ZNF451: variants seen among roughly 807,000 people sequenced by gnomAD.
The protein encoded by ZNF451 is E3 SUMO-protein ligase ZNF451.
A neutral mutation model predicts 107.1 loss-of-function variants in ZNF451; 80 were observed. The observed-to-expected ratio is 0.75, with a 90% CI of 0.62 to 0.90. The LOEUF is 0.90. ZNF451 is among the 40% of genes least tolerant of loss of function. ZNF451 has a pLI of 0.00. For missense variants in ZNF451, 1,107 were observed against 1,236.2 expected, an observed-to-expected ratio of 0.90 and a Z score of 1.57; for synonymous variants, 362 against 406.5, an observed-to-expected ratio of 0.89 and a Z score of 1.32.
intron 14 of ZNF451, among the ~76,000 whole-genome samples, chr6:57,163,520 A>G (rs1379568169): frequency 1.6e-5 from 2 of 121,444 alleles, no homozygotes; most frequent in African/African-American, 6.3e-5. Context: ...GCGCGATCTC[A>G]GCTCACTGCA....
At chr6:57,113,647 A>C (rs952897400) in intron 3 of ZNF451, among the ~76,000 whole-genome samples, 1 of 135,688 alleles carries the variant, frequency 7.4e-6, no homozygotes, top group African/African-American at 2.8e-5. Flanking sequence ...TTTGAGATGG[A>C]GTCTCGCTCT....
chr6:57,103,552 A>G (rs1411154617), intron 3 of ZNF451: 1 of 985,302 alleles, frequency 1.0e-6, no homozygotes, highest in Non-Finnish European at 1.2e-6. Context: ...CCTTAGATCC[A>G]TGTCTTCACA....
intron 3 of ZNF451, chr6:57,102,187 A>G: frequency 7.0e-7 from 1 of 1,428,592 alleles, no homozygotes. Context: ...CAGGTAGGAG[A>G]TCATCTCAAA....
intron 3 of ZNF451, chr6:57,107,027 T>G: frequency 1.0e-6 from 1 of 956,330 alleles, no homozygotes; most frequent in Non-Finnish European, 1.2e-6. Context: ...TTTTACTTCT[T>G]TGTCTTTTCA....
At chr6:57,124,147 T>A (rs1036754770) in intron 3 of ZNF451, among the ~76,000 whole-genome samples, 3 of 152,208 alleles carry the variant, frequency 2.0e-5, no homozygotes, top group African/African-American at 7.2e-5. Flanking sequence ...TTGTAGATGA[T>A]CTTTATAAAG....
intron 14 of ZNF451, among the ~76,000 whole-genome samples, chr6:57,164,408 G>A (rs1763809669): frequency 6.6e-6 from 1 of 152,134 alleles, no homozygotes; most frequent in Admixed American, 6.5e-5. Flanking sequence ...CTGGGATTAT[G>A]ATGATCATTA....
At chr6:57,163,335 T>TGTAA (rs1763750113) in intron 14 of ZNF451, among the ~76,000 whole-genome samples, 7 of 151,992 alleles carry the variant, frequency 4.6e-5, no homozygotes, top group Middle Eastern at 3.4e-3. Context: ...CTCTGCTGAC[T>TGTAA]GTAAGCTCCT....
chr6:57,090,194 G>A lies in ZNF451; in HGVS notation c.-60G>A. The A allele has an allele frequency of 6.4e-7, 1 of 1,574,430 alleles. No homozygotes were observed. Among genetic ancestry groups the A allele is most frequent in the Non-Finnish European group, 8.6e-7 (1 of 1,159,792 alleles). On this transcript the variant is annotated 5_prime_UTR_variant, in exon 1 of 15. Coordinates refer to ENST00000370706, the MANE Select transcript of ZNF451 (RefSeq NM_001031623.3). ...GGTGCAGGGCGGGAAGGGGATTCGT[G>A]GCGACGGCGGCGGCAGGGACAGCAG...
At chr6:57,156,158 T>C (rs1029435646) in intron 13 of ZNF451, among the ~76,000 whole-genome samples, 1 of 152,132 alleles carries the variant, frequency 6.6e-6, no homozygotes, top group Non-Finnish European at 1.5e-5. Context: ...AAAAAGAAAA[T>C]GTGATTCCTA....
chr6:57,167,073 T>C (rs1344423993), intron 14 of ZNF451, among the ~76,000 whole-genome samples: 1 of 152,228 alleles, frequency 6.6e-6, no homozygotes, highest in Non-Finnish European at 1.5e-5. Flanking sequence ...TTTATAAGGA[T>C]GTGAAAGCAA....
intron 3 of ZNF451, chr6:57,103,565 A>C (rs1353429235): frequency 2.0e-6 from 2 of 985,296 alleles, no homozygotes; most frequent in African/African-American, 3.5e-5. Context: ...TCTTCACAGC[A>C]TGACATCAGG....
intron 3 of ZNF451, chr6:57,108,498 A>G (rs764108083): frequency 5.6e-5 from 55 of 985,202 alleles, no homozygotes; most frequent in Non-Finnish European, 6.6e-5. Flanking sequence ...TCCCCAAGTC[A>G]CTAAACACAG....
chr6:57,140,249 T>A (rs926685260), intron 7 of ZNF451, among the ~76,000 whole-genome samples: 5 of 152,008 alleles, frequency 3.3e-5, no homozygotes, highest in Admixed American at 2.0e-4. Context: ...CAAACTCACT[T>A]ATAGATAGGA....
chr6:57,159,264 A>G, intron 13 of ZNF451: 1 of 985,406 alleles, frequency 1.0e-6, no homozygotes, highest in Non-Finnish European at 1.2e-6. Flanking sequence ...TTGACAAATC[A>G]AGGATTTGTC....
At chr6:57,146,984 G>T in intron 9 of ZNF451, 106 bp from the exon 10 acceptor site, 1 of 1,001,726 alleles carries the variant, frequency 1.0e-6, no homozygotes. Flanking sequence ...ATCTTTTAGT[G>T]CTTATTTATA....
intron 14 of ZNF451, among the ~76,000 whole-genome samples, chr6:57,164,208 A>T (rs1763803105): frequency 6.6e-6 from 1 of 152,182 alleles, no homozygotes; most frequent in Non-Finnish European, 1.5e-5. Context: ...GGTGGTGAAA[A>T]GTACAGTCTT....
At chr6:57,102,963 T>G in intron 3 of ZNF451, 2 of 985,434 alleles carry the variant, frequency 2.0e-6, no homozygotes, top group Non-Finnish European at 2.4e-6. Context: ...TGAGTCATGG[T>G]AGTCTCTCAC....
At chr6:57,103,347 T>G in intron 3 of ZNF451, 1 of 985,476 alleles carries the variant, frequency 1.0e-6, no homozygotes, top group Non-Finnish European at 1.2e-6. Context: ...AATCAAGATT[T>G]AAGTGATACG....
chr6:57,106,324 T>C (rs1829853530), intron 3 of ZNF451: 1 of 981,516 alleles, frequency 1.0e-6, no homozygotes, highest in African/African-American at 1.8e-5. Flanking sequence ...TTTTTTTTTT[T>C]TTTTGAGACA....
Sources: allele counts gnomAD v4.1 joint callset (sites outside exome capture counted in the v4.1 genomes callset), GRCh38; gene constraint gnomAD v4.1.1; transcripts MANE v1.5; gene names NCBI Gene and HGNC (gene_info 2026-07-23, HGNC 2026-07-21).